Variants in IGSF21 observed in about 807,000 individuals in gnomAD.
IGSF21 encodes the protein immunoglobulin superfamily member 21.
A neutral mutation model predicts 46.8 loss-of-function variants in IGSF21; 28 were observed. The ratio of observed to expected loss-of-function variants is 0.60; its 90% confidence interval spans 0.44 to 0.82. IGSF21 has a LOEUF of 0.82. Among genes scored for constraint, IGSF21 ranks in the 40% least tolerant of loss-of-function variants. IGSF21 has a pLI of 0.00. For missense variants in IGSF21, 624 were observed against 665.5 expected (o/e 0.94, Z 0.69); for synonymous variants, 284 against 273.6 (o/e 1.04, Z -0.38).
In IGSF21 at chr1:18,378,420, C is replaced by T; in HGVS notation, c.*94C>T. 1 of 1,065,598 alleles carries T rather than the reference C, an allele frequency of 9.4e-7. No homozygotes were observed. The highest frequency in any genetic ancestry group is 1.4e-5 in the South Asian group (1 of 71,386). The allele number at this position is 1,065,598 out of a possible 1,614,324, so 66.0% of individuals were successfully genotyped here. A position where few individuals can be genotyped will look rare whatever the true frequency, so the allele number is the denominator to read the frequency against. ...CTATTTCCAGTCTTGTTCTTAGTCT[C>T]TTTCCATCTGTGTCTTGGCTTCTTC... On this transcript the variant is annotated 3_prime_UTR_variant, in exon 10 of 10. Transcript: ENST00000251296.
At chr1:18,312,470 C>T (rs1262072534) in intron 3 of IGSF21, among the ~76,000 whole-genome samples, 2 of 152,178 alleles carry the variant, frequency 1.3e-5, no homozygotes, top group African/African-American at 2.4e-5. Flanking sequence ...GTCACAACTT[C>T]GAGATGAGTC....
chr1:18,305,967 G>C (rs1478546329), intron 3 of IGSF21, among the ~76,000 whole-genome samples: 1 of 152,200 alleles, frequency 6.6e-6, no homozygotes, highest in Non-Finnish European at 1.5e-5. Context: ...AAGAGCTATA[G>C]TTTTCTTTCC....
chr1:18,236,538 A>C (rs1557600673), intron 2 of IGSF21, among the ~76,000 whole-genome samples: 1 of 152,224 alleles, frequency 6.6e-6, no homozygotes, highest in African/African-American at 2.4e-5. Flanking sequence ...GAGCTGCTGC[A>C]GCCGCTATTG....
intron 1 of IGSF21, among the ~76,000 whole-genome samples, chr1:18,178,641 T>C (rs2124466854): frequency 6.6e-6 from 1 of 152,314 alleles, no homozygotes; most frequent in East Asian, 1.9e-4. Context: ...GTTAAAAATC[T>C]TGTCCCTCCC....
rs751554607 is a variant in IGSF21 at position 18,108,090 on chromosome 1, C to T, written c.-39C>T. 2.8e-6 allele frequency: 3 copies of T among 1,072,878 alleles called. No homozygotes were observed. Among genetic ancestry groups the T allele is most frequent in the Admixed American group, 6.1e-5 (2 of 32,630 alleles). The allele number at this position is 1,072,878 out of a possible 1,614,324, so 66.5% of individuals were successfully genotyped here. A position where few individuals can be genotyped will look rare whatever the true frequency, so the allele number is the denominator to read the frequency against. ...AGGGGACCCGCCGCCACCGCCTCCACCCCCGCCGCCCCGCCACCGCCGCCA... is the reference window on the plus strand; with the variant it reads ...AGGGGACCCGCCGCCACCGCCTCCATCCCCGCCGCCCCGCCACCGCCGCCA... On this transcript the variant is annotated 5_prime_UTR_variant, in exon 1 of 10. Transcript: ENST00000251296.
chr1:18,215,226 T>C (rs2084432007), intron 1 of IGSF21, among the ~76,000 whole-genome samples: 1 of 152,208 alleles, frequency 6.6e-6, no homozygotes. Flanking sequence ...GTAGAACTTA[T>C]TAGTTCATTC....
chr1:18,339,815 A>G (rs918824614), intron 4 of IGSF21, among the ~76,000 whole-genome samples: 1 of 152,142 alleles, frequency 6.6e-6, no homozygotes, highest in Non-Finnish European at 1.5e-5. Flanking sequence ...AACATGTAGG[A>G]GTCTGGAAGG....
At chr1:18,305,254 A>G (rs1324228991) in intron 3 of IGSF21, among the ~76,000 whole-genome samples, 1 of 151,552 alleles carries the variant, frequency 6.6e-6, no homozygotes, top group East Asian at 1.9e-4. Flanking sequence ...GGATGGATGC[A>G]TGGATGGTGG....
intron 1 of IGSF21, among the ~76,000 whole-genome samples, chr1:18,132,674 T>C (rs1038524527): frequency 7.2e-5 from 11 of 152,242 alleles, no homozygotes; most frequent in Admixed American, 3.3e-4. Flanking sequence ...GACTGAGAGT[T>C]GAAACCTCAC....
At chr1:18,111,079 C>T (rs1356563171) in intron 1 of IGSF21, 1 of 152,290 alleles carries the variant, frequency 6.6e-6, no homozygotes, top group Non-Finnish European at 1.5e-5. Context: ...ACCGCAACGC[C>T]GAGACTGCGG....
At chr1:18,348,399 T>C (rs1308589984) in intron 4 of IGSF21, among the ~76,000 whole-genome samples, 1 of 152,192 alleles carries the variant, frequency 6.6e-6, no homozygotes, top group African/African-American at 2.4e-5. Flanking sequence ...TCAGATCAGC[T>C]TCAGCCTCCC....
intron 1 of IGSF21, among the ~76,000 whole-genome samples, chr1:18,120,929 A>G (rs2086228981): frequency 6.6e-6 from 1 of 152,082 alleles, no homozygotes; most frequent in Non-Finnish European, 1.5e-5. Context: ...CATCTCACTG[A>G]TTGATTACTT....
At position 18,316,709 on chromosome 1, in the gene IGSF21, T is replaced by G. The variant is rs534667434; in HGVS notation, c.306-18183T>G. On this transcript the variant is annotated intron_variant, in intron 3 of 9. Coordinates refer to ENST00000251296, the MANE Select transcript of IGSF21 (RefSeq NM_032880.5). ...AACTCTGGGCATCTTATTAGACCTC[T>G]CTGTGCCTCAGTTTCCTCAACTGTA... Among the ~76,000 whole-genome samples, 4 of 152,324 alleles carry G rather than the reference T, an allele frequency of 2.6e-5. No individual in the cohort carries two copies. The South Asian group carries it at 8.3e-4, about 32-fold the overall frequency.
intron 1 of IGSF21, among the ~76,000 whole-genome samples, chr1:18,143,295 G>T (rs113792467): frequency 0.016 from 2,409 of 152,182 alleles, 71 homozygotes; most frequent in African/African-American, 0.053. Flanking sequence ...CACCCCCTCG[G>T]CTGTCCCCTT....
intron 1 of IGSF21, among the ~76,000 whole-genome samples, chr1:18,210,727 G>C (rs1170358027): frequency 6.6e-6 from 1 of 152,114 alleles, no homozygotes; most frequent in Non-Finnish European, 1.5e-5. Context: ...ACCGGTTCCT[G>C]CACACCAGAT....
At chr1:18,371,691 G>T (rs1267274690) in intron 6 of IGSF21, among the ~76,000 whole-genome samples, 5 of 152,160 alleles carry the variant, frequency 3.3e-5, no homozygotes, top group African/African-American at 1.2e-4. Context: ...TGGGAACAGT[G>T]TTGGCCTATG....
intron 3 of IGSF21, among the ~76,000 whole-genome samples, chr1:18,327,600 G>A (rs1487691132): frequency 2.0e-5 from 3 of 152,162 alleles, no homozygotes; most frequent in Non-Finnish European, 2.9e-5. Flanking sequence ...CAACATGAAT[G>A]AATCTCAAAA....
intron 3 of IGSF21, among the ~76,000 whole-genome samples, chr1:18,306,818 T>A (rs1400718815): frequency 1.3e-5 from 2 of 152,198 alleles, no homozygotes; most frequent in Non-Finnish European, 2.9e-5. Flanking sequence ...TTGTGCTGGA[T>A]GATGGGAAGC....
chr1:18,362,905 T>C (rs936255675), intron 5 of IGSF21, among the ~76,000 whole-genome samples: 1 of 152,176 alleles, frequency 6.6e-6, no homozygotes, highest in African/African-American at 2.4e-5. Flanking sequence ...CTGTACTCAC[T>C]GAACAACCAT....
Sources: allele counts gnomAD v4.1 joint callset (sites outside exome capture counted in the v4.1 genomes callset), GRCh38; gene constraint gnomAD v4.1.1; transcripts MANE v1.5; gene names NCBI Gene and HGNC (gene_info 2026-07-23, HGNC 2026-07-21).